TLN1: variants seen among roughly 807,000 people sequenced by gnomAD.
TLN1 encodes the protein talin 1.
Under a neutral mutation model 292.3 loss-of-function variants are expected in TLN1, and 56 were observed. That is an observed-to-expected ratio of 0.19 (90% CI 0.15 to 0.24). The LOEUF is 0.24. Among genes scored for constraint, TLN1 ranks in the 10% least tolerant of loss-of-function variants. The pLI, the probability that TLN1 is intolerant of heterozygous loss-of-function variation, is 1.00. For missense variants in TLN1, 2,433 were observed against 3,248.2 expected (o/e 0.75, Z 6.10); for synonymous variants, 1,119 against 1,253.7 (o/e 0.89, Z 2.27).
rs372029210 is a variant in TLN1, at chr9:35,720,629, C to CTT, written c.1207-122_1207-121dup. On this transcript the variant is annotated intron_variant, in intron 11 of 56. Coordinates refer to ENST00000314888, the MANE Select transcript of TLN1 (RefSeq NM_006289.4). Reference sequence around the variant, plus strand: ...AGAAGCTGAGTGTCCATTTCTTTTTCTTTTTTTTTTTTTTTTGACAAGAAA... The same window carrying CTT: ...AGAAGCTGAGTGTCCATTTCTTTTTCTTTTTTTTTTTTTTTTTTGACAAGAAA... 2,618 of 827,784 alleles carry CTT rather than the reference C, an allele frequency of 3.2e-3. 3 individuals carry two copies. The highest frequency in any genetic ancestry group is 0.012 in the African/African-American group (659 of 53,602). 51.3% of individuals were successfully genotyped at this position (827,784 alleles called of 1,614,324 possible). A position where few individuals can be genotyped will look rare whatever the true frequency, so the allele number is the denominator to read the frequency against.
rs1587982278 is a variant in TLN1 at position 35,711,722 on chromosome 9, T to C, written c.3752A>G (p.Gln1251Arg). 2 of 1,614,154 alleles carry C rather than the reference T, an allele frequency of 1.2e-6. No homozygotes were observed. The highest frequency in any genetic ancestry group is 2.2e-5 in the East Asian group (1 of 44,870). Residue 1251 changes from glutamine to arginine, a missense_variant, in exon 29 of 57, where the codon CAG becomes CGG. By Grantham distance (43) the Gln-to-Arg change is conservative. Coordinates refer to ENST00000314888, the MANE Select transcript of TLN1 (RefSeq NM_006289.4). ...GGCCTGCACCAGTTCTGTGGCTGCC[T>C]GATTCAGCCCAGCAGCAGCTTCATT... ...RLNEAAAGLNQAATELVQASR... is the reference protein window; with the variant it reads ...RLNEAAAGLNRAATELVQASR...
Position 35,715,079 on chromosome 9 carries a change from T to C in TLN1, c.2734A>G (p.Lys912Glu). 6.2e-7 allele frequency: 1 copy of C among 1,613,144 alleles called. No individual in the cohort carries two copies. The highest frequency in any genetic ancestry group is 8.5e-7 in the Non-Finnish European group (1 of 1,180,034). ...NAAAQNAIKKKLVQRLEHAAK... is the reference protein window; with the variant it reads ...NAAAQNAIKKELVQRLEHAAK... Reference sequence around the variant, plus strand: ...CTCACCTCCAGGCGCTGCACCAGCTTTTTCTTGATGGCATTCTGCGCAGCT... The same window carrying C: ...CTCACCTCCAGGCGCTGCACCAGCTCTTTCTTGATGGCATTCTGCGCAGCT... The change falls in exon 21 of 57, where the codon AAG becomes GAG. Residue 912 changes from lysine (K) to glutamate (E), a missense_variant. Around this residue, in one of 7 missense-constraint regions of TLN1, gnomAD observed 617 missense variants for 770.6 expected, o/e 0.80. Transcript: ENST00000314888.
Position 35,704,269 on chromosome 9 carries a change from C to T in TLN1, c.6047+63G>A. The stretch of plus-strand genomic sequence containing the variant: ...TCTTCCCCATTCCAGCGAATGCTAT[C>T]CTGCCTCTTCCAGCCCCGTGCCCCG... On this transcript the variant is annotated intron_variant, in intron 45 of 56. Coordinates refer to ENST00000314888, the MANE Select transcript of TLN1 (RefSeq NM_006289.4). This position sits in a 1 kb window ranked among gnomAD's most constrained non-coding sequence, Gnocchi z 6.9. The T allele has an allele frequency of 6.3e-7, 1 of 1,585,590 alleles. No homozygotes were observed. The highest frequency in any genetic ancestry group is 1.2e-5 in the South Asian group (1 of 85,266).
At chr9:35,727,775 T>C (rs1201981477) in intron 1 of TLN1, among the ~76,000 whole-genome samples, 2 of 151,932 alleles carry the variant, frequency 1.3e-5, no homozygotes, top group Non-Finnish European at 2.9e-5. Flanking sequence ...TCCCCCCATT[T>C]CCTCTGGACA....
At position 35,707,110 on chromosome 9, in the gene TLN1, A is replaced by G. The variant is rs1314161635; in HGVS notation, c.4917T>C (p.Thr1639=). The G allele has an allele frequency of 1.2e-6, 2 of 1,612,544 alleles. No individual in the cohort carries two copies. The highest frequency in any genetic ancestry group is 1.7e-6 in the Non-Finnish European group (2 of 1,179,648). ...SWSVLAGHSR[T]VSDSIKKLIT... The stretch of plus-strand genomic sequence containing the variant: ...TTAGCTTCTTGATGGAGTCTGAGAC[A>G]GTACGGGAGTGGCCGGCCAGCACCG... Residue 1639 remains threonine, a synonymous_variant, in exon 37 of 57, where the codon ACT becomes ACC. Coordinates refer to ENST00000314888, the MANE Select transcript of TLN1 (RefSeq NM_006289.4). The surrounding 1 kb of genome is among the most constrained non-coding windows in gnomAD (Gnocchi z 5.6).
In TLN1 at chr9:35,705,571, C is replaced by T. The variant is rs780568851; in HGVS notation, c.5713G>A (p.Val1905Met). 5 of 1,597,302 alleles carry T rather than the reference C, an allele frequency of 3.1e-6. No homozygotes were observed. The highest frequency in any genetic ancestry group is 2.7e-5 in the African/African-American group (2 of 74,348). ...TTTACCTCTTCATTTTCAGCAGCCA[C>T]CGCTGCAGGCTTGGCCTCCGAGGCC... ...RLASEAKPAA[V>M]AAENEEIGSH... Residue 1905 changes from valine to methionine, a missense_variant, in exon 43 of 57, where the codon GTG (valine) becomes ATG (methionine). Val to Met is a conservative substitution (Grantham distance 21). Transcript: ENST00000314888.
chr9:35,725,408 C>A, intron 2 of TLN1, 87 bp from the exon 3 acceptor site: 3 of 1,546,056 alleles, frequency 1.9e-6, no homozygotes, highest in Non-Finnish European at 2.7e-6. Flanking sequence ...ACTATTTCTC[C>A]CATGACCTTG....
Position 35,724,512 on chromosome 9 carries a change from G to A in TLN1, c.511+60C>T. The stretch of plus-strand genomic sequence containing the variant: ...AAAACAGTGCCTGGCAGAAGCAGAT[G>A]CTGAAGCCCCTTCCCACCCTTCCCA... On this transcript the variant is annotated intron_variant, in intron 5 of 56. Transcript: ENST00000314888. The surrounding 1 kb of genome is among the most constrained non-coding windows in gnomAD (Gnocchi z 4.7). 3 of 1,586,758 alleles carry A rather than the reference G, an allele frequency of 1.9e-6. No homozygotes were observed. The highest frequency in any genetic ancestry group is 2.2e-5 in the East Asian group (1 of 44,638).
Position 35,714,559 on chromosome 9 carries a change from GA to G in TLN1, c.2985+14del, listed in dbSNP as rs774580237. 1.2e-6 allele frequency: 2 copies of G among 1,606,504 alleles called. No individual in the cohort carries two copies. The highest frequency in any genetic ancestry group is 1.7e-6 in the Non-Finnish European group (2 of 1,179,732). Reference sequence around the variant, plus strand: ...GGGAAGGTCAGGTCAGAGAAGTGCAGAGGGGGTGCCTTGCCTGCAGGAAGCT... The same window carrying G: ...GGGAAGGTCAGGTCAGAGAAGTGCAGGGGGGTGCCTTGCCTGCAGGAAGCT... On this transcript the variant is annotated intron_variant, in intron 23 of 56. Coordinates refer to ENST00000314888, the MANE Select transcript of TLN1 (RefSeq NM_006289.4). This position sits in a 1 kb window ranked among gnomAD's most constrained non-coding sequence, Gnocchi z 4.6.
At position 35,698,874 on chromosome 9, in the gene TLN1, T is replaced by C. The variant is rs746081407; in HGVS notation, c.7059A>G (p.Ala2353=). 6.2e-7 allele frequency: 1 copy of C among 1,614,188 alleles called. No individual in the cohort carries two copies. The highest frequency in any genetic ancestry group is 1.1e-5 in the South Asian group (1 of 91,090). The change falls in exon 53 of 57, where the codon GCA becomes GCG. Residue 2353 remains alanine, a synonymous_variant. Coordinates refer to ENST00000314888, the MANE Select transcript of TLN1 (RefSeq NM_006289.4). This position sits in a 1 kb window ranked among gnomAD's most constrained non-coding sequence, Gnocchi z 5.3. ...CCTTTACCAGTGCACTGGTGGCTGC[T>C]GCAATGGACTTGGCAGCTTCTAGTA... The part of the protein sequence containing the change: ...EQILEAAKSI[A]AATSALVKAA...
At chr9:35,711,840 G>T in intron 28 of TLN1, 48 bp from the exon 29 acceptor site, 1 of 1,611,102 alleles carries the variant, frequency 6.2e-7, no homozygotes, top group Non-Finnish European at 8.5e-7. Context: ...GAATGATGCA[G>T]GGAGAAGTCT....
Position 35,716,531 on chromosome 9 carries a change from G to C in TLN1, c.2484C>G (p.Ile828Met). ...DAGEMVRQAR[I>M]LAQATSDLVN... ...CCAGGTCAGATGTGGCTTGGGCCAG[G>C]ATGCGGGCCTGTCGCACCATCTCCC... is the stretch of plus-strand genomic sequence containing the variant. Residue 828 changes from isoleucine to methionine, a missense_variant, in exon 20 of 57, where the codon ATC becomes ATG. By Grantham distance (10) the Ile-to-Met change is conservative. This residue lies in a region of TLN1 where 617 missense variants were observed against 770.6 expected (regional missense o/e 0.80). Transcript: ENST00000314888. The C allele has an allele frequency of 6.2e-7, 1 of 1,614,196 alleles. No individual in the cohort carries two copies. The highest frequency in any genetic ancestry group is 8.5e-7 in the Non-Finnish European group (1 of 1,180,032).
chr9:35,719,067 C>T lies in TLN1; in HGVS notation c.1896+7G>A, dbSNP rs991280956. The T allele has an allele frequency of 3.1e-6, 5 of 1,609,768 alleles. No individual in the cohort carries two copies. Among genetic ancestry groups the T allele is most frequent in the Middle Eastern group, 1.8e-4 (1 of 5,534 alleles). ...CTCCACCCTAACCCAAACCTGTGGCCCCTGACCTCAGCACTGGCTGGTTGG... is the reference window on the plus strand; with the variant it reads ...CTCCACCCTAACCCAAACCTGTGGCTCCTGACCTCAGCACTGGCTGGTTGG... On this transcript the variant is annotated splice_region_variant and intron_variant, in intron 16 of 56. Coordinates refer to ENST00000314888, the MANE Select transcript of TLN1 (RefSeq NM_006289.4). The surrounding 1 kb of genome is among the most constrained non-coding windows in gnomAD (Gnocchi z 4.6).
chr9:35,707,652 G>C lies in TLN1; in HGVS notation c.4632+79C>G, dbSNP rs1171823141. The C allele has an allele frequency of 7.5e-6, 12 of 1,600,020 alleles. No individual in the cohort carries two copies. The highest frequency in any genetic ancestry group is 1.3e-5 in the African/African-American group (1 of 74,676). On this transcript the variant is annotated intron_variant, in intron 35 of 56. Coordinates refer to ENST00000314888, the MANE Select transcript of TLN1 (RefSeq NM_006289.4). This position sits in a 1 kb window ranked among gnomAD's most constrained non-coding sequence, Gnocchi z 5.6. ...TCAGGCAGAGGGGATTTGGTAGAAGGCTTCAGAGAATAACTGGGGGACTCG... is the reference window on the plus strand; with the variant it reads ...TCAGGCAGAGGGGATTTGGTAGAAGCCTTCAGAGAATAACTGGGGGACTCG...
chr9:35,722,253 A>T, intron 8 of TLN1, 30 bp from the exon 9 acceptor site: 1 of 1,586,226 alleles, frequency 6.3e-7, no homozygotes, highest in Non-Finnish European at 8.7e-7. Context: ...GAATTTAGCA[A>T]AGAGTTTCAT....
At position 35,704,284 on chromosome 9, in the gene TLN1, C is replaced by A; in HGVS notation, c.6047+48G>T. 1 of 1,595,084 alleles carries A rather than the reference C, an allele frequency of 6.3e-7. No homozygotes were observed. The highest frequency in any genetic ancestry group is 1.7e-5 in the Admixed American group (1 of 58,954). On this transcript the variant is annotated intron_variant, in intron 45 of 56. Coordinates refer to ENST00000314888, the MANE Select transcript of TLN1 (RefSeq NM_006289.4). This position sits in a 1 kb window ranked among gnomAD's most constrained non-coding sequence, Gnocchi z 6.9. The stretch of plus-strand genomic sequence containing the variant: ...CGAATGCTATCCTGCCTCTTCCAGC[C>A]CCGTGCCCCGACCTGTCTGCCTCCC...
chr9:35,716,380 G>A lies in TLN1; in HGVS notation c.2625+10C>T. On this transcript the variant is annotated intron_variant, in intron 20 of 56. Transcript: ENST00000314888. ...GTCCAGTCTGGGAGTGTGCACAGAA[G>A]GCTTTGTACCTTGGCAGCCTCTACC... The A allele has an allele frequency of 6.2e-7, 1 of 1,614,078 alleles. No individual in the cohort carries two copies. The highest frequency in any genetic ancestry group is 8.5e-7 in the Non-Finnish European group (1 of 1,179,962).
intron 1 of TLN1, among the ~76,000 whole-genome samples, chr9:35,729,990 G>C (rs562726033): frequency 6.6e-6 from 1 of 152,170 alleles, no homozygotes; most frequent in Non-Finnish European, 1.5e-5. Flanking sequence ...ACAGGGTGTA[G>C]AAAAAGAATG....
intron 17 of TLN1, among the ~76,000 whole-genome samples, chr9:35,718,248 T>A (rs1171707496): frequency 7.9e-5 from 12 of 152,102 alleles, no homozygotes; most frequent in Non-Finnish European, 1.5e-4. Flanking sequence ...GGCCTCCTCA[T>A]CTCCCACCAA....
Sources: allele counts gnomAD v4.1 joint callset (sites outside exome capture counted in the v4.1 genomes callset), GRCh38; gene constraint gnomAD v4.1.1; regional missense constraint gnomAD v4.1.1; non-coding constraint Gnocchi (gnomAD v3.1); transcripts MANE v1.5; gene names NCBI Gene and HGNC (gene_info 2026-07-23, HGNC 2026-07-21).